CPLANE1: variants seen among roughly 807,000 people sequenced by gnomAD.
The protein encoded by CPLANE1 is ciliogenesis and planar polarity effector 1.
CPLANE1 carries 263 observed loss-of-function variants against 362.5 expected under a neutral mutation model. The ratio of observed to expected loss-of-function variants is 0.73; its 90% CI spans 0.66 to 0.80. CPLANE1 has a LOEUF of 0.80. Ranked by LOEUF, CPLANE1 falls within the 30% of genes least tolerant of loss-of-function variation. CPLANE1 has a pLI of 0.00. For missense variants in CPLANE1, 3,461 were observed against 3,793.4 expected, an observed-to-expected ratio of 0.91 and a Z score of 2.30; for synonymous variants, 1,212 against 1,302.6, an observed-to-expected ratio of 0.93 and a Z score of 1.50.
chr5:37,222,452 T>C (rs781258410), intron 14 of CPLANE1, among the ~76,000 whole-genome samples: 1 of 152,140 alleles, frequency 6.6e-6, no homozygotes, highest in Non-Finnish European at 1.5e-5. Context: ...TAAAGGAGCC[T>C]GGGGCCTTGG....
chr5:37,149,233 T>G (rs1772742725), intron 42 of CPLANE1, among the ~76,000 whole-genome samples: 1 of 152,118 alleles, frequency 6.6e-6, no homozygotes, highest in African/African-American at 2.4e-5. Flanking sequence ...TTATATATAG[T>G]TGTCCCTCAG....
chr5:37,111,560 G>T (rs1759347787), intron 51 of CPLANE1, among the ~76,000 whole-genome samples: 1 of 152,156 alleles, frequency 6.6e-6, no homozygotes, highest in Non-Finnish European at 1.5e-5. Context: ...CTTCTTCCTG[G>T]ATTAGTGCCA....
At chr5:37,084,757 C>T in the CPLANE1 span, among the ~76,000 whole-genome samples, 3 of 150,690 alleles carry the variant, frequency 2.0e-5, no homozygotes, top group Non-Finnish European at 4.4e-5. Flanking sequence ...GGCAACAGAG[C>T]GAGACTCTGT....
chr5:37,210,104 T>G (rs761066077), intron 16 of CPLANE1: 1 of 847,518 alleles, frequency 1.2e-6, no homozygotes, highest in Non-Finnish European at 2.0e-6. Flanking sequence ...TGTTCCAGAA[T>G]GATTTTGAGA....
At chr5:37,121,991 T>C (rs1055841107) in intron 48 of CPLANE1, among the ~76,000 whole-genome samples, 8 of 151,988 alleles carry the variant, frequency 5.3e-5, no homozygotes, top group African/African-American at 1.9e-4. Context: ...GCAATTCTCC[T>C]GCCTCAGGCT....
chr5:37,157,900 T>A, intron 39 of CPLANE1, 32 bp from the exon 40 acceptor site: 2 of 1,082,568 alleles, frequency 1.8e-6, no homozygotes, highest in Non-Finnish European at 2.6e-6. Context: ...CAAAGAGGGT[T>A]ACATTCTTTT....
At chr5:37,243,247 C>T in intron 5 of CPLANE1, 128 bp from the exon 6 acceptor site, 1 of 588,288 alleles carries the variant, frequency 1.7e-6, no homozygotes, top group Non-Finnish European at 2.8e-6. Context: ...TACTTTTTAT[C>T]CTTAACATTA....
chr5:37,204,563 C>T (rs1719152040), intron 18 of CPLANE1, among the ~76,000 whole-genome samples: 1 of 151,910 alleles, frequency 6.6e-6, no homozygotes, highest in African/African-American at 2.4e-5. Context: ...TAAATCACTC[C>T]TAAGTACCCT....
chr5:37,120,367 C>G (rs76897187), intron 49 of CPLANE1, 27 bp from the exon 50 acceptor site: 2 of 1,534,210 alleles, frequency 1.3e-6, no homozygotes, highest in Admixed American at 2.4e-5. Context: ...ATAATTATTA[C>G]ATTCCCAGAA....
intron 16 of CPLANE1, among the ~76,000 whole-genome samples, chr5:37,212,865 T>C (rs906764862): frequency 1.3e-5 from 2 of 152,224 alleles, no homozygotes; most frequent in East Asian, 1.9e-4. Flanking sequence ...ACTTTAAAAA[T>C]TGAAACTTCA....
intron 1 of CPLANE1, among the ~76,000 whole-genome samples, chr5:37,247,951 C>G (rs1274358048): frequency 6.6e-6 from 1 of 151,280 alleles, no homozygotes; most frequent in African/African-American, 2.4e-5. Context: ...GCGTGTGCCA[C>G]CACGCCTGGC....
intron 44 of CPLANE1, chr5:37,140,676 G>A (rs1187251649): frequency 2.0e-6 from 2 of 985,286 alleles, no homozygotes; most frequent in Non-Finnish European, 2.4e-6. Flanking sequence ...GGGGAAGTAG[G>A]TGAGATTAGC....
the CPLANE1 span, among the ~76,000 whole-genome samples, chr5:37,092,751 G>A: frequency 6.6e-6 from 1 of 152,096 alleles, no homozygotes; most frequent in South Asian, 2.1e-4. Flanking sequence ...TTGACACCTG[G>A]CATGGAACAT....
At chr5:37,091,861 G>C in the CPLANE1 span, among the ~76,000 whole-genome samples, 1 of 152,104 alleles carries the variant, frequency 6.6e-6, no homozygotes, top group Admixed American at 6.5e-5. Flanking sequence ...TGACCCTACA[G>C]GATCCACAGC....
chr5:37,237,131 C>T (rs900487552), intron 8 of CPLANE1, among the ~76,000 whole-genome samples: 2 of 152,134 alleles, frequency 1.3e-5, no homozygotes, highest in African/African-American at 4.8e-5. Context: ...CAAAAAGATA[C>T]TTGCACTCAC....
At chr5:37,194,586 G>T (rs1786663267) in intron 21 of CPLANE1, among the ~76,000 whole-genome samples, 1 of 151,944 alleles carries the variant, frequency 6.6e-6, no homozygotes, top group Admixed American at 6.6e-5. Flanking sequence ...TGCCGTTTCG[G>T]TTGGAAAAAC....
At position 37,187,402 on chromosome 5, in the gene CPLANE1, C is replaced by G; in HGVS notation, c.4080+12G>C. ...TTCTGATGTAGTTTACTTTCACCTA[C>G]AAGCACATTACCTTTCTGATTGGTG... On this transcript the variant is annotated intron_variant, in intron 23 of 52. Coordinates refer to ENST00000651892, the MANE Select transcript of CPLANE1 (RefSeq NM_001384732.1). 1 of 1,595,220 alleles carries G rather than the reference C, an allele frequency of 6.3e-7. No individual in the cohort carries two copies. The highest frequency in any genetic ancestry group is 1.1e-5 in the South Asian group (1 of 87,162).
chr5:37,178,605 C>A (rs1382789965), intron 29 of CPLANE1, among the ~76,000 whole-genome samples: 2 of 149,916 alleles, frequency 1.3e-5, no homozygotes, highest in Admixed American at 6.6e-5. Context: ...AGAGCAAGAC[C>A]CTCATCTCGA....
At chr5:37,155,588 C>T (rs1303660777) in intron 41 of CPLANE1, among the ~76,000 whole-genome samples, 4 of 152,134 alleles carry the variant, frequency 2.6e-5, no homozygotes, top group Admixed American at 6.5e-5. Flanking sequence ...TTGCCAAGGC[C>T]GGTGTCAAAC....
Sources: allele counts gnomAD v4.1 joint callset (sites outside exome capture counted in the v4.1 genomes callset), GRCh38; gene constraint gnomAD v4.1.1; transcripts MANE v1.5; gene names NCBI Gene and HGNC (gene_info 2026-07-23, HGNC 2026-07-21).